The following SLC2A7 variants were observed in gnomAD, a reference collection of about 807,000 sequenced individuals.
SLC2A7 encodes solute carrier family 2, facilitated glucose transporter member 7.
Under a neutral mutation model 50.5 loss-of-function variants are expected in SLC2A7, and 50 were observed. The ratio of observed to expected loss-of-function variants is 0.99; its 90% confidence interval spans 0.79 to 1.25. The LOEUF is 1.25. SLC2A7 is among the 50% of genes most tolerant of loss of function. The probability of loss-of-function intolerance (pLI) is 0.00; values close to 1 mark genes in which losing one functional copy is unlikely to be tolerated. For missense variants in SLC2A7, 683 were observed against 679.1 expected, an observed-to-expected ratio of 1.01 and a Z score of -0.06; for synonymous variants, 308 against 300.4, an observed-to-expected ratio of 1.03 and a Z score of -0.26.
chr1:9,015,361 A>C, intron 5 of SLC2A7, 119 bp from the exon 6 acceptor site: 65 of 1,280,804 alleles, frequency 5.1e-5, no homozygotes, highest in South Asian at 6.3e-5. Flanking sequence ...CTTCATTCTC[A>C]CCAGGGTACT....
the SLC2A7 span, among the ~76,000 whole-genome samples, chr1:8,992,983 C>T: frequency 0.019 from 2,901 of 152,274 alleles, 81 homozygotes; most frequent in African/African-American, 0.066. Context: ...GCAAGGAAAC[C>T]TGACATCAGG....
At chr1:8,995,027 T>A in the SLC2A7 span, among the ~76,000 whole-genome samples, 2 of 151,538 alleles carry the variant, frequency 1.3e-5, no homozygotes, top group South Asian at 4.2e-4. Flanking sequence ...TGCCTCAGCC[T>A]CCCAAAGTGC....
chr1:8,993,777 G>T, the SLC2A7 span, among the ~76,000 whole-genome samples: 1 of 152,032 alleles, frequency 6.6e-6, no homozygotes, highest in Non-Finnish European at 1.5e-5. Context: ...ACAGGTGTGC[G>T]TCACCATGCC....
chr1:9,023,252 T>C lies in SLC2A7; in HGVS notation c.151-174A>G, dbSNP rs184478205. On this transcript the variant is annotated intron_variant, in intron 2 of 11. Coordinates refer to ENST00000400906, the MANE Select transcript of SLC2A7 (RefSeq NM_207420.3). ...TACCTGAGAATCAAAAAATCTACTA[T>C]ATGATGGGTTGAAATGAGAAACTAG... Among the ~76,000 whole-genome samples the C allele has an allele frequency of 1.0e-3, 152 of 152,274 alleles. 1 individual carries two copies. The highest frequency in any genetic ancestry group is 3.4e-3 in the African/African-American group (141 of 41,544).
At chr1:9,016,648 A>AGAGG (rs1279691792) in intron 5 of SLC2A7, among the ~76,000 whole-genome samples, 3 of 148,330 alleles carry the variant, frequency 2.0e-5, no homozygotes, top group Non-Finnish European at 3.0e-5. Context: ...AAGAAGAGAG[A>AGAGG]GAGGAAGGAA....
In SLC2A7 at chr1:9,008,629, C is replaced by T. The variant is rs575594205; in HGVS notation, c.1117-1244G>A. 2.7e-5 allele frequency among the ~76,000 whole-genome samples: 4 copies of T among 147,924 alleles called. No individual in the cohort carries two copies. Among genetic ancestry groups the T allele is most frequent in the East Asian group, 4.0e-4 (2 of 5,012 alleles). On this transcript the variant is annotated intron_variant, in intron 9 of 11. Coordinates refer to ENST00000400906, the MANE Select transcript of SLC2A7 (RefSeq NM_207420.3). The surrounding 1 kb of genome is among the most constrained non-coding windows in gnomAD (Gnocchi z 5.9). ...TTTTTTTTTTTTTTAGACAGAATCTCGCTCTGTCACCCAGGCTGGAGCAGT... is the reference window on the plus strand; with the variant it reads ...TTTTTTTTTTTTTTAGACAGAATCTTGCTCTGTCACCCAGGCTGGAGCAGT...
At chr1:9,022,262 A>G (rs961482256) in intron 3 of SLC2A7, among the ~76,000 whole-genome samples, 8 of 152,186 alleles carry the variant, frequency 5.3e-5, no homozygotes, top group African/African-American at 1.7e-4. Context: ...GGCTGACCTA[A>G]GGGAATGCCA....
downstream of SLC2A7, among the ~76,000 whole-genome samples, chr1:8,998,378 C>T (rs1324990739): frequency 6.6e-6 from 1 of 152,114 alleles, no homozygotes; most frequent in Non-Finnish European, 1.5e-5. Context: ...GCACTCTAGC[C>T]TGGGCGACAG....
downstream of SLC2A7, among the ~76,000 whole-genome samples, chr1:9,000,798 CT>C (rs1374630476): frequency 1.1e-4 from 16 of 149,028 alleles, no homozygotes; most frequent in African/African-American, 3.1e-4. Context: ...CTGTCTCCCC[CT>C]GCCCCATCAC....
rs760026804 is a variant in SLC2A7 at position 9,003,510 on chromosome 1, G to A, written c.1329C>T (p.Ile443=). The A allele has an allele frequency of 9.9e-6, 16 of 1,613,952 alleles. No individual in the cohort carries two copies. The highest frequency in any genetic ancestry group is 2.2e-5 in the East Asian group (1 of 44,902). ...CAAAGATGATGAAACTGTAGGCACC[G>A]ATGGCCTCCTAGACCAGGAGACGAG... The part of the protein sequence containing the change: ...GFLFPSIQEA[I]GAYSFIIFAG... Residue 443 remains isoleucine, a synonymous_variant, in exon 12 of 12, where the codon ATC becomes ATT. Coordinates refer to ENST00000400906, the MANE Select transcript of SLC2A7 (RefSeq NM_207420.3).
rs771251601 is a variant in SLC2A7 at position 9,004,760 on chromosome 1, A to T, written c.1312T>A (p.Ser438Thr). 1 of 1,613,984 alleles carries T rather than the reference A, an allele frequency of 6.2e-7. No homozygotes were observed. Among genetic ancestry groups the T allele is most frequent in the South Asian group, 1.1e-5 (1 of 91,066 alleles). The change falls in exon 11 of 12, where the codon TCC becomes ACC. Residue 438 changes from serine to threonine, a missense_variant. Ser to Thr is a moderately conservative substitution (Grantham distance 58, BLOSUM62 1). Coordinates refer to ENST00000400906, the MANE Select transcript of SLC2A7 (RefSeq NM_207420.3). ...AAGGGGCCCTCACTCACCTGGATGGATGGGAACAGGAAGCCTATGATGAAG... is the reference window on the plus strand; with the variant it reads ...AAGGGGCCCTCACTCACCTGGATGGTTGGGAACAGGAAGCCTATGATGAAG... ...TNFIIGFLFP[S>T]IQEAIGAYSF... is the part of the protein sequence containing the mutation.
chr1:9,010,339 T>C, intron 8 of SLC2A7, 95 bp from the exon 9 acceptor site: 1 of 900,326 alleles, frequency 1.1e-6, no homozygotes, highest in Non-Finnish European at 1.7e-6. Flanking sequence ...CCCTCTTAGG[T>C]GCCCCTTTCT....
chr1:9,023,848 T>TTTTTTTTC (rs1640954888), intron 2 of SLC2A7, among the ~76,000 whole-genome samples: 1 of 31,214 alleles, frequency 3.2e-5, no homozygotes, highest in African/African-American at 1.4e-4. Flanking sequence ...CTTTTTTTTT[T>TTTTTTTTC]TTTTTTTTTT....
At position 9,003,585 on chromosome 1, in the gene SLC2A7, C is replaced by T. The variant is rs571055385; in HGVS notation, c.1321-67G>A. 54 of 1,455,926 alleles carry T rather than the reference C, an allele frequency of 3.7e-5. No individual in the cohort carries two copies. In the Admixed American group the frequency reaches 4.5e-4, roughly 12 times the overall value. 90.2% of individuals were successfully genotyped at this position (1,455,926 alleles called of 1,614,324 possible). On this transcript the variant is annotated intron_variant, in intron 11 of 11. Transcript: ENST00000400906. Reference sequence around the variant, plus strand: ...GCAACAGTGCTGATTCAGCTGAGCACGTTGGCTCATGCCTGTAATCCCAGC... The same window carrying T: ...GCAACAGTGCTGATTCAGCTGAGCATGTTGGCTCATGCCTGTAATCCCAGC...
intron 8 of SLC2A7, among the ~76,000 whole-genome samples, chr1:9,010,623 G>A (rs1640734312): frequency 6.6e-6 from 1 of 152,086 alleles, no homozygotes; most frequent in Admixed American, 6.5e-5. Context: ...CTCCCAAAGT[G>A]CTGGGATTAC....
intron 1 of SLC2A7, 67 bp from the exon 2 acceptor site, chr1:9,025,141 C>G: frequency 6.8e-7 from 1 of 1,474,362 alleles, no homozygotes; most frequent in Admixed American, 1.8e-5. Flanking sequence ...GTGGCTGGGC[C>G]TCCACCTCCC....
chr1:8,996,139 G>A, the SLC2A7 span, among the ~76,000 whole-genome samples: 2 of 152,080 alleles, frequency 1.3e-5, no homozygotes, highest in African/African-American at 4.8e-5. Flanking sequence ...ATACACGTTC[G>A]TGAAATTATC....
At position 9,015,117 on chromosome 1, in the gene SLC2A7, C is replaced by T; in HGVS notation, c.715G>A (p.Ala239Thr). The T allele has an allele frequency of 6.2e-7, 1 of 1,613,246 alleles. No individual in the cohort carries two copies. The highest frequency in any genetic ancestry group is 8.5e-7 in the Non-Finnish European group (1 of 1,179,784). ...QKGDEATARQ[A>T]LRRLRGHTDM... Reference sequence around the variant, plus strand: ...GGGAGAGTAGCCGGCGACTTCATACCTTGTCGCGCTGTGGCTTCATCTCCT... The same window carrying T: ...GGGAGAGTAGCCGGCGACTTCATACTTTGTCGCGCTGTGGCTTCATCTCCT... The change falls in exon 6 of 12, where the codon GCT (alanine) becomes ACT (threonine). Residue 239 changes from alanine to threonine, a missense_variant and splice_region_variant. Transcript: ENST00000400906.
At chr1:9,000,198 T>C (rs892009548), downstream of SLC2A7, among the ~76,000 whole-genome samples, 6 of 152,164 alleles carry the variant, frequency 3.9e-5, no homozygotes, top group African/African-American at 1.4e-4. Context: ...GGCTGACTCC[T>C]GTAATCTTCA....
Sources: allele counts gnomAD v4.1 joint callset (sites outside exome capture counted in the v4.1 genomes callset), GRCh38; gene constraint gnomAD v4.1.1; non-coding constraint Gnocchi (gnomAD v3.1); transcripts MANE v1.5; gene names NCBI Gene and HGNC (gene_info 2026-07-23, HGNC 2026-07-21).